CDK5RAP2: variants seen among roughly 807,000 people sequenced by gnomAD.
The protein encoded by CDK5RAP2 is CDK5 regulatory subunit associated protein 2, also known as CDK5 regulatory subunit-associated protein 2.
Under a neutral mutation model 232.9 loss-of-function variants are expected in CDK5RAP2, and 147 were observed. The observed-to-expected ratio is 0.63, with a 90% CI of 0.55 to 0.72. CDK5RAP2 has a LOEUF of 0.72. Among genes scored for constraint, CDK5RAP2 ranks in the 30% least tolerant of loss-of-function variants. The pLI is 0.00. For missense variants in CDK5RAP2, 2,195 were observed against 2,231.5 expected, an observed-to-expected ratio of 0.98 and a Z score of 0.33; for synonymous variants, 833 against 833.7, an observed-to-expected ratio of 1.00 and a Z score of 0.01.
intron 12 of CDK5RAP2, among the ~76,000 whole-genome samples, chr9:120,504,646 C>A (rs1234605527): frequency 6.6e-6 from 1 of 152,190 alleles, no homozygotes; most frequent in Non-Finnish European, 1.5e-5. Context: ...TGCTCGGCAT[C>A]CTTCATTGAC....
chr9:120,530,076 C>G lies in CDK5RAP2; in HGVS notation c.727G>C (p.Glu243Gln). 6.2e-7 allele frequency: 1 copy of G among 1,613,970 alleles called. No individual in the cohort carries two copies. Among genetic ancestry groups the G allele is most frequent in the Non-Finnish European group, 8.5e-7 (1 of 1,179,902 alleles). Residue 243 changes from glutamate to glutamine, a missense_variant, in exon 8 of 38, where the codon GAG (glutamate) becomes CAG (glutamine). Transcript: ENST00000349780. ...KEALIQCLKE[E>Q]KSQMACPDEN... is the part of the protein sequence containing the mutation. ...TCAGGACATGCCATCTGAGATTTCT[C>G]CTCTTTAAGGCACTGAATTAAAGCT...
chr9:120,577,297 G>T (rs1336026336), intron 1 of CDK5RAP2, among the ~76,000 whole-genome samples: 2 of 151,508 alleles, frequency 1.3e-5, no homozygotes, highest in Non-Finnish European at 2.9e-5. Flanking sequence ...GGAGGCGGAG[G>T]TTGCAGTGAG....
intron 19 of CDK5RAP2, among the ~76,000 whole-genome samples, chr9:120,459,303 C>T (rs1456944171): frequency 6.6e-6 from 1 of 152,118 alleles, no homozygotes; most frequent in Non-Finnish European, 1.5e-5. Flanking sequence ...CTGGGCATGT[C>T]TTTGAGGTGC....
Position 120,411,450 on chromosome 9 carries a change from C to G in CDK5RAP2, c.4322G>C (p.Gly1441Ala). The G allele has an allele frequency of 6.2e-7, 1 of 1,610,506 alleles. No homozygotes were observed. The highest frequency in any genetic ancestry group is 2.2e-5 in the East Asian group (1 of 44,864). Residue 1441 changes from glycine to alanine, a missense_variant, in exon 29 of 38, where the codon GGT becomes GCT. By Grantham distance (60) the Gly-to-Ala change is moderately conservative. Coordinates refer to ENST00000349780, the MANE Select transcript of CDK5RAP2 (RefSeq NM_018249.6). ...TGTTAGAGAACTATGAAGCTCTGAA[C>G]CAGAAGCAAAAATGCTTGTAGAACC... The part of the protein sequence containing the change: ...VQGSTSIFAS[G>A]SELHSSLTSE...
At chr9:120,426,969 C>T (rs2034944238) in intron 25 of CDK5RAP2, among the ~76,000 whole-genome samples, 1 of 152,132 alleles carries the variant, frequency 6.6e-6, no homozygotes, top group South Asian at 2.1e-4. Flanking sequence ...CCCCCACTTT[C>T]CCATCATGGT....
At chr9:120,467,017 AAGG>A in intron 18 of CDK5RAP2, among the ~76,000 whole-genome samples, 1 of 152,220 alleles carries the variant, frequency 6.6e-6, no homozygotes, top group Non-Finnish European at 1.5e-5. Flanking sequence ...CGCATGAAGC[AAGG>A]TGCTTCCTAC....
intron 21 of CDK5RAP2, among the ~76,000 whole-genome samples, chr9:120,451,134 G>A (rs181014392): frequency 9.8e-5 from 15 of 152,312 alleles, no homozygotes; most frequent in Admixed American, 2.6e-4. Context: ...CTGGAAGACT[G>A]CCGTCAGTCA....
At chr9:120,563,743 A>T (rs1166764523) in intron 3 of CDK5RAP2, among the ~76,000 whole-genome samples, 1 of 152,206 alleles carries the variant, frequency 6.6e-6, no homozygotes, top group African/African-American at 2.4e-5. Context: ...TCGGGGCCAT[A>T]CAAGTGGGGC....
At chr9:120,394,005 T>A (rs1248396839) in intron 36 of CDK5RAP2, among the ~76,000 whole-genome samples, 1 of 152,072 alleles carries the variant, frequency 6.6e-6, no homozygotes, top group Admixed American at 6.5e-5. Flanking sequence ...CCCCAATCCC[T>A]CCCACCTTAA....
intron 22 of CDK5RAP2, among the ~76,000 whole-genome samples, chr9:120,446,674 TAC>T (rs2036211088): frequency 1.3e-5 from 2 of 152,198 alleles, no homozygotes; most frequent in Admixed American, 1.3e-4. Flanking sequence ...ATCTTCTACA[TAC>T]AACTCTCCCT....
rs1166972933 is a variant in CDK5RAP2, at chr9:120,470,228, A to AAAAAG, written c.1859-13_1859-9dup. On this transcript the variant is annotated splice_polypyrimidine_tract_variant and intron_variant, in intron 16 of 37. Transcript: ENST00000349780. ...AAAGTGAAAATGATTCTTCTGCCCA[A>AAAAAG]AAAAGAAAAAAAAAAGGTGGGGAGG... 7.3e-7 allele frequency: 1 copy of AAAAAG among 1,377,416 alleles called. No individual in the cohort carries two copies. Among genetic ancestry groups the AAAAAG allele is most frequent in the Admixed American group, 2.0e-5 (1 of 48,968 alleles). The allele number at this position is 1,377,416 out of a possible 1,614,324, so 85.3% of individuals were successfully genotyped here.
intron 19 of CDK5RAP2, among the ~76,000 whole-genome samples, chr9:120,459,360 T>C (rs927977509): frequency 1.3e-5 from 2 of 152,202 alleles, no homozygotes; most frequent in Admixed American, 6.5e-5. Context: ...AAATTTCTTC[T>C]ACCAGTCTAT....
chr9:120,483,313 C>A (rs541980225), intron 14 of CDK5RAP2, among the ~76,000 whole-genome samples: 2 of 152,336 alleles, frequency 1.3e-5, no homozygotes, highest in Admixed American at 1.3e-4. Flanking sequence ...AGGCCCTCGG[C>A]CCACTTGCTA....
chr9:120,490,454 G>C (rs999985501), intron 13 of CDK5RAP2, among the ~76,000 whole-genome samples: 4 of 152,190 alleles, frequency 2.6e-5, no homozygotes, highest in Non-Finnish European at 2.9e-5. Flanking sequence ...CTGGTGAGGA[G>C]AGTGTCACCT....
At position 120,389,003 on chromosome 9, in the gene CDK5RAP2, GA is replaced by G; in HGVS notation, c.*232del. ...CAACTCCGGTGCCTGCCCCTGATCT[GA>G]AATACAACATCCAAGAGCTCGAGGC... On this transcript the variant is annotated 3_prime_UTR_variant, in exon 38 of 38. Transcript: ENST00000349780. The G allele has an allele frequency of 1.7e-6, 1 of 593,950 alleles. No individual in the cohort carries two copies. Among genetic ancestry groups the G allele is most frequent in the East Asian group, 2.8e-5 (1 of 35,900 alleles). 36.8% of individuals were successfully genotyped at this position (593,950 alleles called of 1,614,324 possible). A position where few individuals can be genotyped will look rare whatever the true frequency, so the allele number is the denominator to read the frequency against.
intron 11 of CDK5RAP2, among the ~76,000 whole-genome samples, chr9:120,519,318 T>A (rs2040513028): frequency 6.6e-6 from 1 of 152,152 alleles, no homozygotes; most frequent in Non-Finnish European, 1.5e-5. Context: ...CATGTTACTT[T>A]AATAATGGTT....
intron 12 of CDK5RAP2, among the ~76,000 whole-genome samples, chr9:120,504,328 G>T (rs1158585777): frequency 2.6e-5 from 4 of 152,162 alleles, no homozygotes; most frequent in Admixed American, 2.6e-4. Flanking sequence ...GAGCAGGAAA[G>T]CAAAAGAATC....
chr9:120,408,091 G>A, intron 31 of CDK5RAP2: 3 of 510,852 alleles, frequency 5.9e-6, no homozygotes, highest in Non-Finnish European at 1.1e-5. Context: ...GGCCTACTGA[G>A]GGTCACATAG....
chr9:120,393,369 G>A (rs1176593524), intron 36 of CDK5RAP2, among the ~76,000 whole-genome samples: 1 of 152,216 alleles, frequency 6.6e-6, no homozygotes, highest in African/African-American at 2.4e-5. Flanking sequence ...CTCTTTTGCA[G>A]TCCAAACACT....
Sources: gnomAD v4.1 joint callset for allele counts (sites outside exome capture counted in the v4.1 genomes callset) on GRCh38, gnomAD v4.1.1 for gene constraint, MANE v1.5 for transcripts, NCBI Gene and HGNC (gene_info 2026-07-23, HGNC 2026-07-21) for gene names.